The following TSGA10 variants were observed in gnomAD, a reference collection of about 807,000 sequenced individuals.
TSGA10 encodes the protein testis-specific gene 10 protein.
In TSGA10, 43 loss-of-function variants were observed where a neutral mutation model predicts 96.6. The ratio of observed to expected loss-of-function variants is 0.44; its 90% CI spans 0.35 to 0.57. The LOEUF is 0.57. Ranked by LOEUF, TSGA10 falls within the 20% of genes least tolerant of loss-of-function variation. The pLI is 0.01. For synonymous variants in TSGA10, 229 were observed against 269.9 expected (o/e 0.85, Z 1.48); for missense variants, 703 against 834.4 (o/e 0.84, Z 1.94).
chr2:99,117,273 T>G (rs1045018218), intron 4 of TSGA10: 1 of 152,280 alleles, frequency 6.6e-6, no homozygotes, highest in African/African-American at 2.4e-5. Context: ...AATTGGGAAG[T>G]GGGAGCAACA....
chr2:99,093,482 A>T (rs1277674748), intron 10 of TSGA10, among the ~76,000 whole-genome samples: 1 of 152,172 alleles, frequency 6.6e-6, no homozygotes, highest in Non-Finnish European at 1.5e-5. Context: ...TGATGATATG[A>T]TCGTAGACCT....
At chr2:99,047,222 A>G (rs1212254101) in intron 16 of TSGA10, among the ~76,000 whole-genome samples, 3 of 152,232 alleles carry the variant, frequency 2.0e-5, no homozygotes, top group Non-Finnish European at 4.4e-5. Context: ...AACTCATTTT[A>G]TGAGGCCAGC....
intron 10 of TSGA10, among the ~76,000 whole-genome samples, chr2:99,094,451 G>A (rs907538742): frequency 6.6e-6 from 1 of 152,100 alleles, no homozygotes. Flanking sequence ...ACACTCAGCA[G>A]AGTAAACAGA....
At chr2:99,137,705 T>C (rs949216390) in intron 1 of TSGA10, among the ~76,000 whole-genome samples, 1 of 152,092 alleles carries the variant, frequency 6.6e-6, no homozygotes. Context: ...TGCAGTATTT[T>C]AGGTGGGAGA....
chr2:99,078,706 T>TA lies in TSGA10; in HGVS notation c.834dup (p.Lys279Ter). 6.2e-7 allele frequency: 1 copy of TA among 1,613,836 alleles called. No individual in the cohort carries two copies. Among genetic ancestry groups the TA allele is most frequent in the Non-Finnish European group, 8.5e-7 (1 of 1,179,912 alleles). ...AGGGATGCAATATTCTCAGATTTTT[T>TA]ATCCAAACATGCTTGCAGGCATTCC... On this transcript the variant is annotated frameshift_variant, in exon 12 of 21. Transcript: ENST00000393483. LOFTEE classifies it high-confidence loss of function.
At chr2:99,098,960 G>C (rs1416214888) in intron 10 of TSGA10, among the ~76,000 whole-genome samples, 1 of 152,116 alleles carries the variant, frequency 6.6e-6, no homozygotes, top group African/African-American at 2.4e-5. Context: ...AAAATGAATT[G>C]AAAAGAGTAT....
chr2:99,001,689 A>T (rs892584733), intron 20 of TSGA10, among the ~76,000 whole-genome samples: 4 of 152,338 alleles, frequency 2.6e-5, no homozygotes, highest in Admixed American at 2.6e-4. Flanking sequence ...AACTTCTCCA[A>T]GCTAAAGGAG....
intron 10 of TSGA10, among the ~76,000 whole-genome samples, chr2:99,098,013 T>C (rs771890532): frequency 4.6e-5 from 7 of 151,964 alleles, no homozygotes; most frequent in Non-Finnish European, 1.0e-4. Context: ...CATCAAAATA[T>C]ATAATGAAAA....
chr2:99,122,760 C>T (rs535056546), intron 2 of TSGA10, among the ~76,000 whole-genome samples: 1 of 151,270 alleles, frequency 6.6e-6, no homozygotes, highest in East Asian at 1.9e-4. Context: ...CACTGCACTA[C>T]AGCCTGGATG....
intron 14 of TSGA10, among the ~76,000 whole-genome samples, chr2:99,069,563 G>T (rs1454425416): frequency 6.6e-6 from 1 of 151,334 alleles, no homozygotes; most frequent in African/African-American, 2.4e-5. Flanking sequence ...TGTAATCCTG[G>T]CACTTTGGGA....
intron 16 of TSGA10, among the ~76,000 whole-genome samples, chr2:99,050,582 T>C (rs1232642503): frequency 6.6e-6 from 1 of 152,168 alleles, no homozygotes; most frequent in Non-Finnish European, 1.5e-5. Context: ...CCATATATCA[T>C]CAGAATTAAG....
Position 99,073,124 on chromosome 2 carries a change from T to C in TSGA10, c.883-51A>G, listed in dbSNP as rs2086180894. On this transcript the variant is annotated intron_variant, in intron 12 of 20. Transcript: ENST00000393483. ...TAAAAAAATCTTAAGCTGTTATTTC[T>C]GTTAAAATTGAATGAACAAAAAGAA... 5 of 1,260,734 alleles carry C rather than the reference T, an allele frequency of 4.0e-6. No individual in the cohort carries two copies. In the East Asian group the frequency reaches 1.3e-4, roughly 32 times the overall value. 78.1% of individuals were successfully genotyped at this position (1,260,734 alleles called of 1,614,324 possible).
intron 7 of TSGA10, among the ~76,000 whole-genome samples, chr2:99,108,389 C>G (rs1489258159): frequency 2.0e-5 from 3 of 152,020 alleles, no homozygotes; most frequent in Admixed American, 6.6e-5. Context: ...TTAATAAAAG[C>G]TATGCAATTC....
At chr2:99,152,266 TAACAC>T (rs1403363698) in intron 1 of TSGA10, among the ~76,000 whole-genome samples, 4 of 152,266 alleles carry the variant, frequency 2.6e-5, no homozygotes, top group South Asian at 2.1e-4. Flanking sequence ...CAGAGGGACA[TAACAC>T]AACACAAGAC....
intron 1 of TSGA10, among the ~76,000 whole-genome samples, chr2:99,153,619 G>A (rs2093715751): frequency 6.6e-6 from 1 of 152,156 alleles, no homozygotes; most frequent in African/African-American, 2.4e-5. Context: ...GAATTTAGAA[G>A]GAAGTAATAT....
chr2:99,028,600 C>T (rs755894745), intron 17 of TSGA10, among the ~76,000 whole-genome samples: 3 of 152,058 alleles, frequency 2.0e-5, no homozygotes, highest in Non-Finnish European at 4.4e-5. Flanking sequence ...CCTTGTCCAA[C>T]GTCTCCCTTC....
At chr2:99,059,643 G>A (rs2084440854) in intron 16 of TSGA10, among the ~76,000 whole-genome samples, 1 of 141,206 alleles carries the variant, frequency 7.1e-6, no homozygotes, top group Non-Finnish European at 1.5e-5. Context: ...AGTCTTGGGG[G>A]AAACACACAC....
At chr2:99,030,714 G>A (rs909535688) in intron 17 of TSGA10, among the ~76,000 whole-genome samples, 1 of 152,090 alleles carries the variant, frequency 6.6e-6, no homozygotes, top group African/African-American at 2.4e-5. Context: ...CAAGGAACAC[G>A]TTGACAATGA....
At chr2:99,094,800 G>A (rs1288198219) in intron 10 of TSGA10, among the ~76,000 whole-genome samples, 1 of 152,178 alleles carries the variant, frequency 6.6e-6, no homozygotes, top group Non-Finnish European at 1.5e-5. Flanking sequence ...TTACACTGCT[G>A]GTGGGAATGT....
Sources: allele counts gnomAD v4.1 joint callset (sites outside exome capture counted in the v4.1 genomes callset), GRCh38; gene constraint gnomAD v4.1.1; transcripts MANE v1.5; gene names NCBI Gene and HGNC (gene_info 2026-07-23, HGNC 2026-07-21).